Variants in USP40 observed in about 807,000 individuals in gnomAD.
USP40 encodes the protein ubiquitin specific peptidase 40.
A neutral mutation model predicts 166.2 loss-of-function variants in USP40; 143 were observed. That is an observed-to-expected ratio of 0.86 (90% CI 0.75 to 0.99). The LOEUF is 0.99. USP40 is among the 50% of genes least tolerant of loss of function. The pLI, the probability that USP40 is intolerant of heterozygous loss-of-function variation, is 0.00. For synonymous variants in USP40, 498 were observed against 524.0 expected (o/e 0.95, Z 0.68); for missense variants, 1,444 against 1,479.7 (o/e 0.98, Z 0.40).
Position 233,511,618 on chromosome 2 carries a change from AAAAC to A in USP40, c.2526+87_2526+90del, listed in dbSNP as rs1428994951. The stretch of plus-strand genomic sequence containing the variant: ...TGATTTAAGAAAAAACTTTTAGAGA[AAAAC>A]AATATTACTGGAGTAGCTAAGGTAC... On this transcript the variant is annotated intron_variant, in intron 20 of 31. Coordinates refer to ENST00000678225, the MANE Select transcript of USP40 (RefSeq NM_001365479.2). 7 of 950,282 alleles carry A rather than the reference AAAAC, an allele frequency of 7.4e-6. No homozygotes were observed. The Admixed American group carries it at 2.2e-4, about 30-fold the overall frequency. The allele number at this position is 950,282 out of a possible 1,614,324, so 58.9% of individuals were successfully genotyped here. A position where few individuals can be genotyped will look rare whatever the true frequency, so the allele number is the denominator to read the frequency against.
chr2:233,539,543 G>A (rs1161006234), intron 10 of USP40, among the ~76,000 whole-genome samples: 4 of 152,000 alleles, frequency 2.6e-5, no homozygotes, highest in Non-Finnish European at 4.4e-5. Context: ...GAAAAAATAA[G>A]AGAAATTAGA....
chr2:233,487,820 T>C (rs1056103828), intron 28 of USP40: 2 of 392,842 alleles, frequency 5.1e-6, no homozygotes, highest in East Asian at 7.2e-5. Flanking sequence ...GGGAGACAGA[T>C]ACTAACAAAT....
chr2:233,559,159 T>C (rs2125392475), intron 4 of USP40, among the ~76,000 whole-genome samples: 1 of 152,350 alleles, frequency 6.6e-6, no homozygotes, highest in East Asian at 1.9e-4. Flanking sequence ...CAAGCACCTT[T>C]ACTCATTGCT....
At chr2:233,509,140 T>C (rs759495911) in intron 21 of USP40, among the ~76,000 whole-genome samples, 2 of 152,192 alleles carry the variant, frequency 1.3e-5, no homozygotes, top group Non-Finnish European at 2.9e-5. Flanking sequence ...GCTACCAGGT[T>C]GGTCACTCTT....
At position 233,551,412 on chromosome 2, in the gene USP40, G is replaced by A. The variant is rs193108534; in HGVS notation, c.801C>T (p.Phe267=). 4 of 1,611,634 alleles carry A rather than the reference G, an allele frequency of 2.5e-6. No homozygotes were observed. The highest frequency in any genetic ancestry group is 4.5e-5 in the East Asian group (2 of 44,810). ...ERYKETSCYT[F]PLRINLKPFC... ...AGGGCTTGAGATTAATCCGGAGAGGGAATGTATAACAGCTAGTTTCCTTGT... is the reference window on the plus strand; with the variant it reads ...AGGGCTTGAGATTAATCCGGAGAGGAAATGTATAACAGCTAGTTTCCTTGT... The change falls in exon 7 of 32, where the codon TTC becomes TTT. Residue 267 remains phenylalanine (F), a synonymous_variant. Transcript: ENST00000678225.
chr2:233,484,455 G>C (rs946662480), intron 30 of USP40, among the ~76,000 whole-genome samples: 6 of 150,648 alleles, frequency 4.0e-5, no homozygotes, highest in African/African-American at 1.5e-4. Flanking sequence ...TCATTTATCT[G>C]TGTAGTCTTT....
rs1440365984 is a variant in USP40 at position 233,556,960 on chromosome 2, A to G, written c.441T>C (p.Thr147=). The change falls in exon 5 of 32, where the codon ACT becomes ACC. Residue 147 remains threonine (T), a synonymous_variant. Coordinates refer to ENST00000678225, the MANE Select transcript of USP40 (RefSeq NM_001365479.2). ...LNRILFSALE[T]SLVGTSGHDL... The stretch of plus-strand genomic sequence containing the variant: ...CATGACCGGAGGTCCCAACTAAAGA[A>G]GTTTCCAAAGCGCTGAAGAGGATTC... 6.2e-7 allele frequency: 1 copy of G among 1,614,034 alleles called. No individual in the cohort carries two copies.
chr2:233,513,560 AATATACC>A (rs2066977025), intron 18 of USP40, among the ~76,000 whole-genome samples: 1 of 152,174 alleles, frequency 6.6e-6, no homozygotes, highest in African/African-American at 2.4e-5. Context: ...AGTTACAGTT[AATATACC>A]ATATACCATG....
intron 16 of USP40, among the ~76,000 whole-genome samples, chr2:233,522,572 AC>A (rs765696711): frequency 3.9e-5 from 6 of 152,240 alleles, no homozygotes; most frequent in Non-Finnish European, 2.9e-5. Flanking sequence ...TATTGCAGTT[AC>A]AGTGTATGAC....
intron 24 of USP40, among the ~76,000 whole-genome samples, chr2:233,494,992 A>AAAAT (rs1553558288): frequency 0.048 from 6,367 of 132,214 alleles, 673 homozygotes; most frequent in African/African-American, 0.17. Context: ...ACACACATAA[A>AAAAT]AAATAAATAA....
At position 233,476,912 on chromosome 2, in the gene USP40, G is replaced by A. The variant is rs958001126; in HGVS notation, c.*480C>T. ...CTGAAAGCAGACCCCACTTCTGCCCGCTTCTGCTCAGCACCAGCGCGGTGG... is the reference window on the plus strand; with the variant it reads ...CTGAAAGCAGACCCCACTTCTGCCCACTTCTGCTCAGCACCAGCGCGGTGG... On this transcript the variant is annotated 3_prime_UTR_variant, in exon 32 of 32. Transcript: ENST00000678225. 2.8e-5 allele frequency: 6 copies of A among 217,360 alleles called. No homozygotes were observed. The highest frequency in any genetic ancestry group is 4.7e-5 in the Non-Finnish European group (5 of 107,334). 13.5% of individuals were successfully genotyped at this position (217,360 alleles called of 1,614,324 possible). A position where few individuals can be genotyped will look rare whatever the true frequency, so the allele number is the denominator to read the frequency against.
rs1158427752 is a variant in USP40 at position 233,528,642 on chromosome 2, C to T, written c.1553+789G>A. On this transcript the variant is annotated intron_variant, in intron 12 of 31. Coordinates refer to ENST00000678225, the MANE Select transcript of USP40 (RefSeq NM_001365479.2). ...GTTATTTTTTAGACTTAAGATATTT[C>T]GCTCTGTTAAGTTTTAATCTTTTTG... Among the ~76,000 whole-genome samples the T allele has an allele frequency of 5.3e-5, 8 of 152,208 alleles. 1 individual carries two copies. The highest frequency in any genetic ancestry group is 1.5e-5 in the Non-Finnish European group (1 of 68,002).
rs145458386 is a variant in USP40 at position 233,555,016 on chromosome 2, C to T, written c.547-490G>A. On this transcript the variant is annotated intron_variant, in intron 5 of 31. Transcript: ENST00000678225. ...GCCAGCCTGGCCAATATGGTGAAAC[C>T]CTATCTCTACTAAAAATACAAAAAA... Among the ~76,000 whole-genome samples, 963 of 151,952 alleles carry T rather than the reference C, an allele frequency of 6.3e-3. 21 individuals carry two copies. The East Asian group carries it at 0.083, about 13-fold the overall frequency.
chr2:233,510,694 G>A (rs1241245242), intron 20 of USP40, among the ~76,000 whole-genome samples: 3 of 151,926 alleles, frequency 2.0e-5, no homozygotes, highest in Non-Finnish European at 2.9e-5. Flanking sequence ...GTGAGCCACC[G>A]CGCCCGGCCA....
chr2:233,530,051 C>A (rs2068389885), intron 11 of USP40, among the ~76,000 whole-genome samples: 1 of 151,798 alleles, frequency 6.6e-6, no homozygotes, highest in South Asian at 2.1e-4. Flanking sequence ...CTGCCCGCCT[C>A]AGCCTCCCAA....
chr2:233,564,038 T>A (rs1454434438), intron 2 of USP40, among the ~76,000 whole-genome samples: 1 of 152,204 alleles, frequency 6.6e-6, no homozygotes, highest in Non-Finnish European at 1.5e-5. Context: ...GCTGGCAATT[T>A]TTACTGGTGG....
intron 6 of USP40, among the ~76,000 whole-genome samples, chr2:233,552,496 A>G (rs1033305082): frequency 1.3e-5 from 2 of 152,224 alleles, no homozygotes; most frequent in African/African-American, 4.8e-5. Flanking sequence ...GATAAAAGGT[A>G]TATTTAAAAA....
At position 233,479,362 on chromosome 2, in the gene USP40, A is replaced by T. The variant is rs544211505; in HGVS notation, c.3599+1841T>A. ...GGCTGATCACAAGGTCAAGAGATTG[A>T]GACCATCCTGGCCAACATGGTGAAA... On this transcript the variant is annotated intron_variant, in intron 31 of 31. Coordinates refer to ENST00000678225, the MANE Select transcript of USP40 (RefSeq NM_001365479.2). Among the ~76,000 whole-genome samples the T allele has an allele frequency of 1.7e-4, 26 of 152,306 alleles. No individual in the cohort carries two copies. In the East Asian group the frequency reaches 4.3e-3, roughly 25 times the overall value.
At position 233,541,573 on chromosome 2, in the gene USP40, G is replaced by A. The variant is rs77631241; in HGVS notation, c.1062+695C>T. Among the ~76,000 whole-genome samples the A allele has an allele frequency of 5.7e-3, 871 of 152,308 alleles. 10 individuals carry two copies. The highest frequency in any genetic ancestry group is 0.02 in the African/African-American group (814 of 41,566). ...CTATCATCTAAGCCATGCAGTCTGT[G>A]GCATTTTGTCATGGCAGCCCTAGTA... On this transcript the variant is annotated intron_variant, in intron 9 of 31. Coordinates refer to ENST00000678225, the MANE Select transcript of USP40 (RefSeq NM_001365479.2).
Sources: allele counts gnomAD v4.1 joint callset (sites outside exome capture counted in the v4.1 genomes callset), GRCh38; gene constraint gnomAD v4.1.1; transcripts MANE v1.5; gene names NCBI Gene and HGNC (gene_info 2026-07-23, HGNC 2026-07-21).